RAB11FIP1: variants seen among roughly 807,000 people sequenced by gnomAD.
RAB11FIP1 encodes rab11 family-interacting protein 1.
Under a neutral mutation model 83.1 loss-of-function variants are expected in RAB11FIP1, and 49 were observed. That is an observed-to-expected ratio of 0.59 (90% CI 0.47 to 0.75). The LOEUF (loss-of-function observed/expected upper bound fraction) is 0.75. RAB11FIP1 is among the 30% of genes least tolerant of loss of function. RAB11FIP1 has a pLI of 0.00. For synonymous variants in RAB11FIP1, 670 were observed against 656.0 expected (o/e 1.02, Z -0.33); for missense variants, 1,536 against 1,598.7 (o/e 0.96, Z 0.67).
At chr8:37,879,822 G>T (rs1585439400) in intron 1 of RAB11FIP1, among the ~76,000 whole-genome samples, 2 of 152,164 alleles carry the variant, frequency 1.3e-5, no homozygotes, top group Admixed American at 1.3e-4. Flanking sequence ...GAGGGAGGTT[G>T]TAGTGAGCCA....
rs1405709884 is a variant in RAB11FIP1, at chr8:37,872,382, T to C, written c.2420A>G (p.Lys807Arg). Residue 807 changes from lysine to arginine, a missense_variant, in exon 4 of 6, where the codon AAG (lysine) becomes AGG (arginine). By Grantham distance (26) the Lys-to-Arg change is conservative. Transcript: ENST00000330843. ...NLRKDQKKTK[K>R]RVSFSEQLFT... ...GAGCTGCTCAGAAAATGACACACGC[T>C]TCTTGGTTTTCTTCTGGTCCTTGCG... 2 of 1,614,156 alleles carry C rather than the reference T, an allele frequency of 1.2e-6. No homozygotes were observed. Among genetic ancestry groups the C allele is most frequent in the South Asian group, 2.2e-5 (2 of 91,080 alleles).
At chr8:37,897,197 T>C (rs1282113331) in intron 1 of RAB11FIP1, among the ~76,000 whole-genome samples, 1 of 151,830 alleles carries the variant, frequency 6.6e-6, no homozygotes, top group East Asian at 1.9e-4. Context: ...AGTTCAGAAA[T>C]GCCTATTCAT....
Position 37,877,186 on chromosome 8 carries a change from A to G in RAB11FIP1, c.737T>C (p.Val246Ala). The change falls in exon 2 of 6, where the codon GTG (valine) becomes GCG (alanine). Residue 246 changes from valine to alanine, a missense_variant. Transcript: ENST00000330843. The part of the protein sequence containing the change: ...SVLPTSKPEK[V>A]LLRPGDFQSQ... ...CTGAAAGTCTCCGGGACGAAGCAGC[A>G]CTTTTTCTGGCTTTGAAGTCGGCAG... 3 of 1,614,114 alleles carry G rather than the reference A, an allele frequency of 1.9e-6. No homozygotes were observed. The South Asian group carries it at 3.3e-5, about 18-fold the overall frequency.
intron 1 of RAB11FIP1, 95 bp from the exon 2 acceptor site, chr8:37,877,646 G>A: frequency 2.7e-6 from 2 of 744,686 alleles, no homozygotes; most frequent in South Asian, 3.4e-5. Context: ...TCTGCTACCA[G>A]CAGCCTCTTC....
At chr8:37,876,963 C>T (rs1204288380) in intron 2 of RAB11FIP1, 146 bp downstream of exon 2, 7 of 685,314 alleles carry the variant, frequency 1.0e-5, no homozygotes, top group Admixed American at 2.9e-5. Context: ...TCTTAACCAC[C>T]GCTATCATCA....
At chr8:37,866,657 G>A (rs1223678544) in intron 5 of RAB11FIP1, among the ~76,000 whole-genome samples, 8 of 133,372 alleles carry the variant, frequency 6.0e-5, no homozygotes, top group Admixed American at 1.6e-4. Flanking sequence ...GGATGGAGGC[G>A]CTAAAACAAC....
At chr8:37,871,097 G>T in intron 4 of RAB11FIP1, 181 bp downstream of exon 4, 1 of 691,784 alleles carries the variant, frequency 1.4e-6, no homozygotes, top group Non-Finnish European at 2.3e-6. Context: ...TTATGTTCTT[G>T]CTATAAACGC....
chr8:37,873,195 A>C lies in RAB11FIP1; in HGVS notation c.1623-16T>G. ...CACTTCCAGTCTGCAAAAAGGACAA[A>C]ATAAAATCTGCAGGTCAGTGCAGAT... On this transcript the variant is annotated splice_polypyrimidine_tract_variant and intron_variant, in intron 3 of 5. Coordinates refer to ENST00000330843, the MANE Select transcript of RAB11FIP1 (RefSeq NM_001002814.3). 6.4e-7 allele frequency: 1 copy of C among 1,559,056 alleles called. No individual in the cohort carries two copies. The highest frequency in any genetic ancestry group is 8.6e-7 in the Non-Finnish European group (1 of 1,160,936).
rs565580049 is a variant in RAB11FIP1, at chr8:37,874,721, C to T, written c.1416G>A (p.Pro472=). Residue 472 remains proline (P), a synonymous_variant, in exon 3 of 6, where the codon CCG becomes CCA. Transcript: ENST00000330843. ...CAGCAGGCCCCGATGCGTCCTCCCCCGGCTTAACCCCCATCAGCATGCCTT... is the reference window on the plus strand; with the variant it reads ...CAGCAGGCCCCGATGCGTCCTCCCCTGGCTTAACCCCCATCAGCATGCCTT... ...EKEGMLMGVK[P]GEDASGPAED... 67 of 1,614,212 alleles carry T rather than the reference C, an allele frequency of 4.2e-5. No individual in the cohort carries two copies. The Middle Eastern group carries it at 6.6e-4, about 16-fold the overall frequency.
intron 1 of RAB11FIP1, among the ~76,000 whole-genome samples, chr8:37,887,121 G>A (rs1217463329): frequency 1.3e-5 from 2 of 152,118 alleles, no homozygotes; most frequent in African/African-American, 4.8e-5. Flanking sequence ...GGAAAAATTC[G>A]TAAATCATGA....
At chr8:37,892,295 AT>A (rs1038438102) in intron 1 of RAB11FIP1, among the ~76,000 whole-genome samples, 20 of 152,156 alleles carry the variant, frequency 1.3e-4, no homozygotes, top group Admixed American at 1.1e-3. Context: ...CACCATCTAG[AT>A]TACTGCAACA....
intron 1 of RAB11FIP1, among the ~76,000 whole-genome samples, chr8:37,885,964 G>A (rs1806825492): frequency 6.6e-6 from 1 of 152,202 alleles, no homozygotes; most frequent in African/African-American, 2.4e-5. Flanking sequence ...AAGCCTTCCC[G>A]TGCAGCCCTG....
At chr8:37,879,618 C>G (rs2130167383) in intron 1 of RAB11FIP1, among the ~76,000 whole-genome samples, 1 of 148,028 alleles carries the variant, frequency 6.8e-6, no homozygotes, top group Non-Finnish European at 1.5e-5. Context: ...CGCAGTGGCT[C>G]ACGCCCGTAA....
chr8:37,872,644 A>G lies in RAB11FIP1; in HGVS notation c.2158T>C (p.Ser720Pro), dbSNP rs763316923. Residue 720 changes from serine to proline, a missense_variant, in exon 4 of 6, where the codon TCT (serine) becomes CCT (proline). By Grantham distance (74) the Ser-to-Pro change is moderately conservative. Coordinates refer to ENST00000330843, the MANE Select transcript of RAB11FIP1 (RefSeq NM_001002814.3). Reference protein sequence around the residue: ...PCKKQDYSPSSGEAQEVPFAL... With the variant: ...PCKKQDYSPSPGEAQEVPFAL... ...AACGGTACTTCCTGGGCTTCTCCAG[A>G]TGATGGGCTGTAGTCTTGTTTTTTG... 1.2e-6 allele frequency: 2 copies of G among 1,614,184 alleles called. No homozygotes were observed. The highest frequency in any genetic ancestry group is 1.7e-5 in the Admixed American group (1 of 60,024).
At chr8:37,868,883 A>C (rs1207925202) in intron 5 of RAB11FIP1, among the ~76,000 whole-genome samples, 1 of 152,202 alleles carries the variant, frequency 6.6e-6, no homozygotes, top group Non-Finnish European at 1.5e-5. Flanking sequence ...CTAAAGGAGA[A>C]GAAAAAATTC....
At chr8:37,884,642 G>A (rs577264328) in intron 1 of RAB11FIP1, among the ~76,000 whole-genome samples, 298 of 150,842 alleles carry the variant, frequency 2.0e-3, no homozygotes, top group African/African-American at 7.0e-3. Flanking sequence ...TCCACCTCCC[G>A]GGTTCAAGCA....
rs1432971309 is a variant in RAB11FIP1 at position 37,862,889 on chromosome 8, G to T, written c.*6C>A. 2.5e-6 allele frequency: 4 copies of T among 1,597,822 alleles called. No individual in the cohort carries two copies. Among genetic ancestry groups the T allele is most frequent in the Admixed American group, 1.7e-5 (1 of 57,980 alleles). ...AGAAACGTCTCGGTGTTTTTTTTCT[G>T]CTGATTTACATCTTTCCTGCTTTTT... On this transcript the variant is annotated 3_prime_UTR_variant, in exon 6 of 6. Transcript: ENST00000330843.
At chr8:37,891,441 G>C (rs1372689132) in intron 1 of RAB11FIP1, among the ~76,000 whole-genome samples, 1 of 152,214 alleles carries the variant, frequency 6.6e-6, no homozygotes, top group Non-Finnish European at 1.5e-5. Flanking sequence ...GGATGTCTAA[G>C]ATTATTGTTA....
rs1309109009 is a variant in RAB11FIP1 at position 37,875,334 on chromosome 8, A to C, written c.815-12T>G. On this transcript the variant is annotated splice_polypyrimidine_tract_variant and intron_variant, in intron 2 of 5. Transcript: ENST00000330843. ...CTTGTGAGACATGACTTTGGGAAGA[A>C]AAAGAACAGAAAGGGGATAAGATGT... 6 of 1,593,060 alleles carry C rather than the reference A, an allele frequency of 3.8e-6. No homozygotes were observed. Among genetic ancestry groups the C allele is most frequent in the South Asian group, 3.3e-5 (3 of 90,128 alleles).
Sources: allele counts gnomAD v4.1 joint callset (sites outside exome capture counted in the v4.1 genomes callset), GRCh38; gene constraint gnomAD v4.1.1; transcripts MANE v1.5; gene names NCBI Gene and HGNC (gene_info 2026-07-23, HGNC 2026-07-21).